The following CLASP1 variants were observed in gnomAD, a reference collection of about 807,000 sequenced individuals.
CLASP1 encodes the protein cytoplasmic linker associated protein 1, also known as CLIP-associating protein 1.
CLASP1 carries 38 observed loss-of-function variants against 192.3 expected under a neutral mutation model. The observed-to-expected ratio is 0.20, with a 90% confidence interval of 0.15 to 0.26. CLASP1 has a LOEUF of 0.26. Among genes scored for constraint, CLASP1 ranks in the 10% least tolerant of loss-of-function variants. CLASP1 has a pLI of 1.00. For missense variants in CLASP1, 1,433 were observed against 1,932.5 expected, an observed-to-expected ratio of 0.74 and a Z score of 4.85; for synonymous variants, 691 against 712.8, an observed-to-expected ratio of 0.97 and a Z score of 0.49.
chr2:121,385,953 A>G (rs2073090110), intron 32 of CLASP1, among the ~76,000 whole-genome samples: 1 of 152,246 alleles, frequency 6.6e-6, no homozygotes, highest in Non-Finnish European at 1.5e-5. Context: ...ACATGATATC[A>G]CATTGCAGTC....
At chr2:121,354,202 C>T (rs1322944525) in intron 37 of CLASP1, among the ~76,000 whole-genome samples, 1 of 152,184 alleles carries the variant, frequency 6.6e-6, no homozygotes, top group East Asian at 1.9e-4. Flanking sequence ...AGGTTATCTA[C>T]AAATGATCAA....
chr2:121,538,558 C>T lies in CLASP1; in HGVS notation c.196-8233G>A, dbSNP rs75071515. 1.2e-3 allele frequency among the ~76,000 whole-genome samples: 189 copies of T among 151,994 alleles called. 2 individuals are homozygous for T. The East Asian group carries it at 0.034, about 27-fold the overall frequency. Reference sequence around the variant, plus strand: ...ATCCCAGCAATTTGGGAGGCCATGACGGGCAGATCACGAGGTCAGGAGATG... The same window carrying T: ...ATCCCAGCAATTTGGGAGGCCATGATGGGCAGATCACGAGGTCAGGAGATG... On this transcript the variant is annotated intron_variant, in intron 2 of 39. Coordinates refer to ENST00000263710, the Ensembl canonical transcript of CLASP1.
At chr2:121,620,005 T>C (rs1157259672) in intron 1 of CLASP1, among the ~76,000 whole-genome samples, 2 of 152,086 alleles carry the variant, frequency 1.3e-5, no homozygotes, top group African/African-American at 4.8e-5. Flanking sequence ...GTGGATCACC[T>C]GAGGTCAGGA....
intron 8 of CLASP1, 100 bp from the exon 9 acceptor site, chr2:121,470,060 A>G (rs994002618): frequency 4.1e-6 from 4 of 982,662 alleles, no homozygotes; most frequent in Admixed American, 2.5e-5. Flanking sequence ...TTAGTCTTCG[A>G]GACTGATTCT....
At chr2:121,367,892 G>A in intron 34 of CLASP1, 61 bp from the exon 36 acceptor site, 1 of 1,578,834 alleles carries the variant, frequency 6.3e-7, no homozygotes, top group Non-Finnish European at 8.6e-7. Flanking sequence ...TCCTTTGAAT[G>A]CTCAGAAATA....
chr2:121,613,454 A>C (rs1298616953), intron 1 of CLASP1, among the ~76,000 whole-genome samples: 1 of 152,222 alleles, frequency 6.6e-6, no homozygotes, highest in African/African-American at 2.4e-5. Context: ...CAACTTCAAC[A>C]AGAAGGAAGG....
intron 5 of CLASP1, among the ~76,000 whole-genome samples, chr2:121,526,208 C>T (rs1214200712): frequency 6.6e-6 from 1 of 152,258 alleles, no homozygotes; most frequent in African/African-American, 2.4e-5. Flanking sequence ...GCTCCAGCCC[C>T]CCAGGTCCCG....
At chr2:121,640,321 T>C (rs1299041478) in intron 1 of CLASP1, among the ~76,000 whole-genome samples, 2 of 152,240 alleles carry the variant, frequency 1.3e-5, no homozygotes, top group Non-Finnish European at 2.9e-5. Context: ...TATAACTATG[T>C]AACGAGCCTG....
intron 8 of CLASP1, among the ~76,000 whole-genome samples, chr2:121,471,876 G>A (rs1366216328): frequency 1.3e-5 from 2 of 152,152 alleles, no homozygotes; most frequent in African/African-American, 4.8e-5. Flanking sequence ...TCAGAAAGTG[G>A]TTCATAATGG....
intron 5 of CLASP1, 70 bp downstream of exon 5, chr2:121,527,729 T>C: frequency 8.3e-7 from 1 of 1,202,914 alleles, no homozygotes; most frequent in Non-Finnish European, 1.2e-6. Context: ...TGTAAATCTA[T>C]AATTATTTCA....
chr2:121,451,677 A>G (rs1404128219), intron 15 of CLASP1, 113 bp downstream of exon 15: 5 of 769,488 alleles, frequency 6.5e-6, no homozygotes, highest in Non-Finnish European at 1.1e-5. Context: ...TAGTCATGAA[A>G]ACAAACGCAT....
At chr2:121,550,005 CAAAAAAA>C (rs59439843) in intron 2 of CLASP1, among the ~76,000 whole-genome samples, 2 of 55,676 alleles carry the variant, frequency 3.6e-5, no homozygotes, top group Non-Finnish European at 8.1e-5. Context: ...GACTCCGTCT[CAAAAAAA>C]AAAAAAAAAA....
chr2:121,469,620 A>G (rs1157971398), intron 9 of CLASP1, among the ~76,000 whole-genome samples, 188 bp downstream of exon 9: 2 of 152,202 alleles, frequency 1.3e-5, no homozygotes, highest in Non-Finnish European at 2.9e-5. Flanking sequence ...TAGTAGCTCA[A>G]ATTTACAACT....
At chr2:121,479,582 G>A (rs1425131325) in intron 8 of CLASP1, among the ~76,000 whole-genome samples, 4 of 152,060 alleles carry the variant, frequency 2.6e-5, no homozygotes, top group Admixed American at 6.6e-5. Flanking sequence ...AATTTTAACC[G>A]AAGTTGGATA....
intron 39 of CLASP1, among the ~76,000 whole-genome samples, chr2:121,345,371 G>C (rs1222979405): frequency 6.6e-6 from 1 of 152,172 alleles, no homozygotes; most frequent in Non-Finnish European, 1.5e-5. Flanking sequence ...TGGATTTTCT[G>C]TCCCTTATCC....
intron 5 of CLASP1, among the ~76,000 whole-genome samples, chr2:121,526,831 G>T (rs151145856): frequency 1.3e-5 from 2 of 152,028 alleles, no homozygotes; most frequent in Admixed American, 6.5e-5. Context: ...AGAAAAAAAG[G>T]CTTGAAATTT....
At chr2:121,530,441 A>AC (rs2094744336) in intron 2 of CLASP1, 116 bp from the exon 3 acceptor site, 7 of 684,108 alleles carry the variant, frequency 1.0e-5, no homozygotes, top group Non-Finnish European at 1.8e-5. Flanking sequence ...GAGAGTCCAG[A>AC]CGCATGCCGA....
intron 1 of CLASP1, among the ~76,000 whole-genome samples, chr2:121,633,094 A>G (rs1281206531): frequency 6.6e-6 from 1 of 150,868 alleles, no homozygotes; most frequent in Non-Finnish European, 1.5e-5. Context: ...GGTGGATGGC[A>G]GACAAGCTAG....
chr2:121,394,377 C>G (rs2074923503), intron 30 of CLASP1, among the ~76,000 whole-genome samples: 1 of 152,214 alleles, frequency 6.6e-6, no homozygotes. Flanking sequence ...TTTTGCCAAA[C>G]AGTGAATTCT....
Sources: allele counts gnomAD v4.1 joint callset (sites outside exome capture counted in the v4.1 genomes callset), GRCh38; gene constraint gnomAD v4.1.1; transcripts MANE v1.5; gene names NCBI Gene and HGNC (gene_info 2026-07-23, HGNC 2026-07-21).